PTPRR: variants seen among roughly 807,000 people sequenced by gnomAD.
PTPRR encodes protein tyrosine phosphatase receptor type R, also known as receptor-type tyrosine-protein phosphatase R.
Under a neutral mutation model 77.2 loss-of-function variants are expected in PTPRR, and 38 were observed. That is an observed-to-expected ratio of 0.49 (90% CI 0.38 to 0.65). The LOEUF (loss-of-function observed/expected upper bound fraction) is 0.65. PTPRR is among the 30% of genes least tolerant of loss of function. The probability of loss-of-function intolerance (pLI) is 0.00; values close to 1 mark genes in which losing one functional copy is unlikely to be tolerated. For synonymous variants in PTPRR, 299 were observed against 283.1 expected (o/e 1.06, Z -0.57); for missense variants, 744 against 799.2 (o/e 0.93, Z 0.83).
At chr12:70,764,447 T>A (rs534332638) in intron 3 of PTPRR, among the ~76,000 whole-genome samples, 1 of 152,078 alleles carries the variant, frequency 6.6e-6, no homozygotes, top group Non-Finnish European at 1.5e-5. Flanking sequence ...CATGAGCCAA[T>A]CTTTTGCAAC....
chr12:70,888,053 T>C (rs949045013), intron 2 of PTPRR, among the ~76,000 whole-genome samples: 4 of 152,124 alleles, frequency 2.6e-5, no homozygotes, highest in Admixed American at 2.6e-4. Context: ...TGGTGTGATA[T>C]GATCTGATTC....
At chr12:70,658,094 A>T (rs796173469) in intron 12 of PTPRR, among the ~76,000 whole-genome samples, 17 of 152,288 alleles carry the variant, frequency 1.1e-4, no homozygotes, top group African/African-American at 4.1e-4. Context: ...CAAAATCTGA[A>T]TGTGACTAAC....
chr12:70,750,127 C>T (rs866276334), intron 5 of PTPRR, among the ~76,000 whole-genome samples: 1 of 152,146 alleles, frequency 6.6e-6, no homozygotes, highest in African/African-American at 2.4e-5. Context: ...AAATGTCATG[C>T]CTGTCTAATT....
intron 4 of PTPRR, among the ~76,000 whole-genome samples, chr12:70,756,334 G>A (rs941182595): frequency 6.8e-6 from 1 of 146,644 alleles, no homozygotes; most frequent in Non-Finnish European, 1.5e-5. Flanking sequence ...TTGGTAAATA[G>A]ATTTCTTTCT....
intron 13 of PTPRR, among the ~76,000 whole-genome samples, chr12:70,650,279 C>T (rs1886346863): frequency 6.6e-6 from 1 of 151,808 alleles, no homozygotes; most frequent in South Asian, 2.1e-4. Context: ...CCTGCCTCTA[C>T]TAAAAATACA....
intron 8 of PTPRR, 197 bp from the exon 9 acceptor site, chr12:70,684,980 G>A (rs771279976): frequency 3.5e-5 from 15 of 427,954 alleles, no homozygotes; most frequent in Non-Finnish European, 5.8e-5. Context: ...CTGACATAAA[G>A]CTCATCCATA....
At chr12:70,711,715 T>G (rs1888835490) in intron 6 of PTPRR, among the ~76,000 whole-genome samples, 1 of 152,056 alleles carries the variant, frequency 6.6e-6, no homozygotes, top group African/African-American at 2.4e-5. Context: ...ACAAAGAAAA[T>G]TTTTACATTT....
chr12:70,815,927 T>G (rs1891894964), intron 2 of PTPRR, among the ~76,000 whole-genome samples: 1 of 152,146 alleles, frequency 6.6e-6, no homozygotes, highest in Non-Finnish European at 1.5e-5. Context: ...GACACATATA[T>G]AGCTTTTAGC....
chr12:70,704,947 T>A (rs934705433), intron 6 of PTPRR, among the ~76,000 whole-genome samples: 2 of 152,044 alleles, frequency 1.3e-5, no homozygotes. Flanking sequence ...AAAGGGAACA[T>A]AATAAAAAGC....
chr12:70,772,551 A>G (rs1322318346), intron 2 of PTPRR, among the ~76,000 whole-genome samples: 1 of 152,148 alleles, frequency 6.6e-6, no homozygotes, highest in African/African-American at 2.4e-5. Context: ...GAATTTGGAA[A>G]GTCAAAAGAG....
At chr12:70,840,224 T>C (rs2137058956) in intron 2 of PTPRR, among the ~76,000 whole-genome samples, 1 of 152,282 alleles carries the variant, frequency 6.6e-6, no homozygotes, top group East Asian at 1.9e-4. Flanking sequence ...TCATTCCAGC[T>C]TCTACAGGTT....
intron 6 of PTPRR, among the ~76,000 whole-genome samples, chr12:70,737,780 C>T (rs1247701486): frequency 6.6e-6 from 1 of 152,162 alleles, no homozygotes; most frequent in African/African-American, 2.4e-5. Context: ...GCCTTAACCT[C>T]CCAAAATGCT....
intron 2 of PTPRR, among the ~76,000 whole-genome samples, chr12:70,790,409 G>A (rs1891402052): frequency 6.6e-6 from 1 of 152,026 alleles, no homozygotes. Context: ...CTTCCAGGGT[G>A]CCACACTTTC....
chr12:70,718,877 A>G (rs1426208090), intron 6 of PTPRR, among the ~76,000 whole-genome samples: 7 of 152,212 alleles, frequency 4.6e-5, no homozygotes, highest in Admixed American at 3.3e-4. Context: ...AAACAATTTG[A>G]AGATAAGTCC....
chr12:70,897,579 T>C (rs1158839295), intron 1 of PTPRR, among the ~76,000 whole-genome samples: 1 of 151,980 alleles, frequency 6.6e-6, no homozygotes, highest in Admixed American at 6.6e-5. Context: ...AGTTCAACCA[T>C]TGTGGAAGTC....
chr12:70,682,513 C>G (rs1373570012), intron 10 of PTPRR, among the ~76,000 whole-genome samples: 2 of 152,040 alleles, frequency 1.3e-5, no homozygotes, highest in Non-Finnish European at 2.9e-5. Flanking sequence ...TTTTATTAAG[C>G]ACTGGGATTT....
intron 13 of PTPRR, among the ~76,000 whole-genome samples, chr12:70,639,901 T>C (rs187299400): frequency 2.0e-4 from 30 of 152,330 alleles, no homozygotes; most frequent in African/African-American, 6.3e-4. Flanking sequence ...TTTATTTGAA[T>C]ATGTTGTACA....
chr12:70,682,175 C>CT (rs1469200909), intron 10 of PTPRR, among the ~76,000 whole-genome samples: 1 of 150,126 alleles, frequency 6.7e-6, no homozygotes, highest in Non-Finnish European at 1.5e-5. Context: ...TCCCGAGTAG[C>CT]TGGGACTACA....
At chr12:70,837,531 G>T (rs2137056468) in intron 2 of PTPRR, among the ~76,000 whole-genome samples, 1 of 152,164 alleles carries the variant, frequency 6.6e-6, no homozygotes, top group Admixed American at 6.5e-5. Flanking sequence ...GCAGCTCTCG[G>T]AACTCAGGGA....
Sources: allele counts gnomAD v4.1 joint callset (sites outside exome capture counted in the v4.1 genomes callset), GRCh38; gene constraint gnomAD v4.1.1; transcripts MANE v1.5; gene names NCBI Gene and HGNC (gene_info 2026-07-23, HGNC 2026-07-21).